Variants in SMARCA2 observed in about 807,000 individuals in gnomAD.
SMARCA2 encodes SWI/SNF related BAF chromatin remodeling complex subunit ATPase 2.
A neutral mutation model predicts 199.8 loss-of-function variants in SMARCA2; 61 were observed. The ratio of observed to expected loss-of-function variants is 0.31; its 90% CI spans 0.25 to 0.38. SMARCA2 has a LOEUF of 0.38. SMARCA2 is among the 10% of genes least tolerant of loss of function. The probability of loss-of-function intolerance (pLI) is 1.00; values close to 1 mark genes in which losing one functional copy is unlikely to be tolerated. For synonymous variants in SMARCA2, 935 were observed against 732.0 expected (o/e 1.28, Z -4.48); for missense variants, 1,344 against 2,012.2 (o/e 0.67, Z 6.35).
At chr9:2,054,551 G>A (rs961475387) in intron 5 of SMARCA2, 46 bp from the exon 6 acceptor site, 3 of 1,591,460 alleles carry the variant, frequency 1.9e-6, no homozygotes, top group South Asian at 1.1e-5. Flanking sequence ...AAATTGTAAT[G>A]TGTTTTTCCC....
Position 2,119,097 on chromosome 9 carries a change from C to T in SMARCA2, c.3685-361C>T, listed in dbSNP as rs1003403167. 6.6e-6 allele frequency among the ~76,000 whole-genome samples: 1 copy of T among 152,050 alleles called. No homozygotes were observed. The highest frequency in any genetic ancestry group is 1.5e-5 in the Non-Finnish European group (1 of 68,002). On this transcript the variant is annotated intron_variant, in intron 25 of 33. Transcript: ENST00000349721. This position sits in a 1 kb window ranked among gnomAD's most constrained non-coding sequence, Gnocchi z 4.6. Reference sequence around the variant, plus strand: ...GTTAGGTACTTTTTCATATGGATGTCCTTATTAAAATCTTACATCCCCATG... The same window carrying T: ...GTTAGGTACTTTTTCATATGGATGTTCTTATTAAAATCTTACATCCCCATG...
intron 29 of SMARCA2, among the ~76,000 whole-genome samples, chr9:2,175,523 G>A (rs1303391589): frequency 1.3e-5 from 2 of 152,180 alleles, no homozygotes; most frequent in Non-Finnish European, 2.9e-5. Flanking sequence ...TAGTTAAAAA[G>A]TGCCAGTTGG....
intron 4 of SMARCA2, chr9:2,044,755 G>C (rs1264203333): frequency 1.3e-5 from 2 of 152,210 alleles, no homozygotes; most frequent in Non-Finnish European, 1.5e-5. Flanking sequence ...GTGTTTAAAG[G>C]TACCTGTTTA....
intron 29 of SMARCA2, among the ~76,000 whole-genome samples, chr9:2,177,685 C>T (rs772864107): frequency 2.7e-4 from 41 of 151,772 alleles, no homozygotes; most frequent in East Asian, 1.8e-3. Context: ...CCCTAGTAGC[C>T]GGGATTACAG....
intron 19 of SMARCA2, among the ~76,000 whole-genome samples, chr9:2,089,494 T>C (rs1019504547): frequency 3.9e-5 from 6 of 152,198 alleles, no homozygotes; most frequent in Admixed American, 6.5e-5. Flanking sequence ...TGGTTCATCC[T>C]GTTCATTTTT....
At position 2,056,347 on chromosome 9, in the gene SMARCA2, A is replaced by T. The variant is rs1345981207; in HGVS notation, c.1174-325A>T. Among the ~76,000 whole-genome samples the T allele has an allele frequency of 6.6e-6, 1 of 152,256 alleles. No homozygotes were observed. Among genetic ancestry groups the T allele is most frequent in the Non-Finnish European group, 1.5e-5 (1 of 68,044 alleles). On this transcript the variant is annotated intron_variant, in intron 6 of 33. Coordinates refer to ENST00000349721, the MANE Select transcript of SMARCA2 (RefSeq NM_003070.5). This position sits in a 1 kb window ranked among gnomAD's most constrained non-coding sequence, Gnocchi z 4.0. ...AGCGGAAAATTTAAAAAGCTTATTT[A>T]GCTAATTGGTATCATTAGAATAATT...
chr9:2,186,327 T>G, intron 32 of SMARCA2, 99 bp downstream of exon 32: 1 of 1,286,620 alleles, frequency 7.8e-7, no homozygotes, highest in Non-Finnish European at 1.1e-6. Context: ...GTGGGGCAGA[T>G]CTGGATTGGA....
At chr9:2,148,473 GTTTTC>G (rs752358694) in intron 27 of SMARCA2, among the ~76,000 whole-genome samples, 1 of 151,150 alleles carries the variant, frequency 6.6e-6, no homozygotes, top group African/African-American at 2.4e-5. Context: ...TTTAGGAGAT[GTTTTC>G]TTTTTTTTAT....
chr9:2,102,116 C>T (rs147844667), intron 22 of SMARCA2, among the ~76,000 whole-genome samples: 9 of 150,486 alleles, frequency 6.0e-5, no homozygotes, highest in African/African-American at 2.0e-4. Context: ...CAAAAATGAA[C>T]ACTGCATTAA....
intron 27 of SMARCA2, among the ~76,000 whole-genome samples, chr9:2,146,289 C>T (rs1432043351): frequency 6.6e-6 from 1 of 152,168 alleles, no homozygotes; most frequent in Non-Finnish European, 1.5e-5. Flanking sequence ...AAGGCCCCAC[C>T]TCCTAATACC....
intron 19 of SMARCA2, 107 bp from the exon 20 acceptor site, chr9:2,096,550 A>G (rs946346654): frequency 8.3e-6 from 6 of 719,148 alleles, no homozygotes; most frequent in African/African-American, 1.8e-5. Flanking sequence ...AGAAAGAGAA[A>G]GAGAGACACC....
intron 29 of SMARCA2, among the ~76,000 whole-genome samples, chr9:2,178,342 T>C (rs889493051): frequency 6.6e-6 from 1 of 152,144 alleles, no homozygotes; most frequent in Non-Finnish European, 1.5e-5. Context: ...TTACGTAAAA[T>C]CCATCCGATG....
chr9:2,051,970 T>G (rs1350173730), intron 5 of SMARCA2, among the ~76,000 whole-genome samples: 1 of 152,228 alleles, frequency 6.6e-6, no homozygotes, highest in Non-Finnish European at 1.5e-5. Flanking sequence ...GAAGTAGATG[T>G]CTGTTTCATA....
chr9:2,077,034 C>T (rs1036640143), intron 13 of SMARCA2, among the ~76,000 whole-genome samples: 3 of 152,170 alleles, frequency 2.0e-5, no homozygotes, highest in African/African-American at 4.8e-5. Context: ...GGGACCCTTC[C>T]TCCTAGCAGT....
intron 29 of SMARCA2, among the ~76,000 whole-genome samples, chr9:2,175,940 G>T (rs1444214871): frequency 6.6e-6 from 1 of 152,014 alleles, no homozygotes; most frequent in Non-Finnish European, 1.5e-5. Context: ...AGTGCAAATG[G>T]CACAATCTCG....
At chr9:2,138,176 A>C (rs533508823) in intron 27 of SMARCA2, among the ~76,000 whole-genome samples, 2 of 124,824 alleles carry the variant, frequency 1.6e-5, no homozygotes, top group South Asian at 4.6e-4. Flanking sequence ...AAAAAACAAC[A>C]ACAACAACAA....
intron 27 of SMARCA2, among the ~76,000 whole-genome samples, chr9:2,149,545 C>A (rs377244146): frequency 6.6e-6 from 1 of 151,354 alleles, no homozygotes; most frequent in Non-Finnish European, 1.5e-5. Flanking sequence ...AAGGAAACCT[C>A]TTATAAAACT....
chr9:2,137,159 C>T (rs921332367), intron 27 of SMARCA2, among the ~76,000 whole-genome samples: 7 of 152,184 alleles, frequency 4.6e-5, no homozygotes, highest in African/African-American at 1.7e-4. Flanking sequence ...AGATTCAGGG[C>T]TTTAGGTGCC....
intron 3 of SMARCA2, among the ~76,000 whole-genome samples, chr9:2,036,586 A>G (rs547051452): frequency 6.6e-6 from 1 of 152,344 alleles, no homozygotes; most frequent in Non-Finnish European, 1.5e-5. Flanking sequence ...TATTTTTAAT[A>G]CCATACGGTG....
Sources: gnomAD v4.1 joint callset for allele counts (sites outside exome capture counted in the v4.1 genomes callset) on GRCh38, gnomAD v4.1.1 for gene constraint, Gnocchi (gnomAD v3.1) non-coding constraint, MANE v1.5 for transcripts, NCBI Gene and HGNC (gene_info 2026-07-23, HGNC 2026-07-21) for gene names.